The following TNRC6B variants were observed in gnomAD, a reference collection of about 807,000 sequenced individuals.
The protein encoded by TNRC6B is trinucleotide repeat containing adaptor 6B, also known as trinucleotide repeat-containing gene 6B protein.
A neutral mutation model predicts 203.6 loss-of-function variants in TNRC6B; 52 were observed. That is an observed-to-expected ratio of 0.26 (90% CI 0.20 to 0.32). The LOEUF (loss-of-function observed/expected upper bound fraction) is 0.32. Ranked by LOEUF, TNRC6B falls within the 10% of genes least tolerant of loss-of-function variation. The pLI is 1.00. For missense variants in TNRC6B, 1,923 were observed against 2,286.2 expected (o/e 0.84, Z 3.24); for synonymous variants, 838 against 845.7 (o/e 0.99, Z 0.16).
In TNRC6B at chr22:40,062,911, C is replaced by G. The variant is rs547860858; in HGVS notation, c.-121+17913C>G. The stretch of plus-strand genomic sequence containing the variant: ...TTCTCCTAATCTGCAGGTTGATGCA[C>G]TAAACTTTTAATTTTGATAAAGTTC... On this transcript the variant is annotated intron_variant, in intron 1 of 23. Transcript: ENST00000301923. Among the ~76,000 whole-genome samples the G allele has an allele frequency of 7.2e-5, 11 of 152,036 alleles. No homozygotes were observed. In the East Asian group the frequency reaches 1.9e-3, roughly 27 times the overall value.
intron 13 of TNRC6B, 86 bp from the exon 14 acceptor site, chr22:40,300,824 T>C: frequency 7.4e-7 from 1 of 1,343,682 alleles, no homozygotes; most frequent in African/African-American, 1.5e-5. Context: ...GTGTGACCTG[T>C]ACTTCAGTGC....
chr22:40,306,728 G>T (rs1430206915), intron 15 of TNRC6B, among the ~76,000 whole-genome samples: 1 of 152,210 alleles, frequency 6.6e-6, no homozygotes, highest in Non-Finnish European at 1.5e-5. Context: ...GCTCATGCCT[G>T]TAATCCCAGC....
intron 3 of TNRC6B, among the ~76,000 whole-genome samples, chr22:40,153,142 A>AT (rs2068775040): frequency 6.6e-6 from 1 of 152,186 alleles, no homozygotes; most frequent in Non-Finnish European, 1.5e-5. Flanking sequence ...TGTGTCAGTT[A>AT]TATGTGTGGA....
intron 2 of TNRC6B, among the ~76,000 whole-genome samples, chr22:40,124,177 G>A (rs73412609): frequency 0.057 from 8,690 of 152,118 alleles, 797 homozygotes; most frequent in African/African-American, 0.19. Context: ...AGTAGATGAG[G>A]CAACAGCTTC....
chr22:40,187,838 A>G (rs1028220446), intron 1 of TNRC6B, among the ~76,000 whole-genome samples: 7 of 152,374 alleles, frequency 4.6e-5, no homozygotes, highest in Admixed American at 3.3e-4. Flanking sequence ...AGCAGGTTCA[A>G]AGATTTTCAT....
At chr22:40,295,098 G>A (rs943817721) in intron 12 of TNRC6B, among the ~76,000 whole-genome samples, 6 of 152,314 alleles carry the variant, frequency 3.9e-5, no homozygotes, top group Admixed American at 2.0e-4. Flanking sequence ...GAGTGAAAGT[G>A]ACAGATCTTG....
chr22:40,301,531 A>C, intron 15 of TNRC6B, 198 bp downstream of exon 15: 2 of 597,184 alleles, frequency 3.3e-6, no homozygotes, highest in Non-Finnish European at 5.7e-6. Flanking sequence ...ATGGTTACTA[A>C]ATAGCAGAGC....
chr22:40,232,166 G>A (rs1043552188), intron 1 of TNRC6B, among the ~76,000 whole-genome samples: 26 of 152,226 alleles, frequency 1.7e-4, no homozygotes, highest in African/African-American at 5.8e-4. Context: ...CTGTAACTCA[G>A]TAAGATGTGA....
intron 3 of TNRC6B, among the ~76,000 whole-genome samples, chr22:40,149,854 A>G (rs2068732758): frequency 6.6e-6 from 1 of 152,068 alleles, no homozygotes; most frequent in Non-Finnish European, 1.5e-5. Flanking sequence ...GCTGAAGTAC[A>G]GTGGTGCCAT....
At chr22:40,142,224 AAT>A (rs1491450813) in intron 3 of TNRC6B, among the ~76,000 whole-genome samples, 19 of 113,268 alleles carry the variant, frequency 1.7e-4, no homozygotes, top group African/African-American at 5.7e-4. Context: ...ACGCCTAGCT[AAT>A]TTTTTTTTTT....
chr22:40,226,741 C>G (rs1247739025), intron 1 of TNRC6B, among the ~76,000 whole-genome samples: 7 of 152,134 alleles, frequency 4.6e-5, no homozygotes, highest in African/African-American at 1.4e-4. Flanking sequence ...TTTTAAAGAT[C>G]TTCATGCACA....
intron 1 of TNRC6B, among the ~76,000 whole-genome samples, chr22:40,229,392 A>G (rs564910961): frequency 1.3e-5 from 2 of 152,106 alleles, no homozygotes; most frequent in East Asian, 3.9e-4. Context: ...GGGCTGTGTC[A>G]TTCAGGGTTC....
intron 1 of TNRC6B, among the ~76,000 whole-genome samples, chr22:40,081,204 C>T (rs1390063601): frequency 1.3e-5 from 2 of 152,066 alleles, no homozygotes; most frequent in Non-Finnish European, 2.9e-5. Context: ...GTCTCATAGC[C>T]TAAGCCCTAG....
intron 1 of TNRC6B, among the ~76,000 whole-genome samples, chr22:40,057,228 G>C (rs1474726723): frequency 6.7e-6 from 1 of 149,966 alleles, no homozygotes; most frequent in Non-Finnish European, 1.5e-5. Flanking sequence ...GAATAGTACA[G>C]TTACATTGAA....
At chr22:40,214,482 T>G (rs1305951905) in intron 1 of TNRC6B, among the ~76,000 whole-genome samples, 1 of 152,078 alleles carries the variant, frequency 6.6e-6, no homozygotes, top group East Asian at 1.9e-4. Context: ...ATATTACCAT[T>G]AGGGGAAACT....
intron 1 of TNRC6B, among the ~76,000 whole-genome samples, chr22:40,194,212 T>C (rs1040020517): frequency 2.6e-5 from 4 of 152,174 alleles, no homozygotes; most frequent in Admixed American, 6.5e-5. Flanking sequence ...GGAATTTACA[T>C]CTTGGAAGGG....
At chr22:40,315,809 G>A in intron 20 of TNRC6B, 133 bp from the exon 21 acceptor site, 1 of 738,828 alleles carries the variant, frequency 1.4e-6, no homozygotes, top group Non-Finnish European at 2.2e-6. Flanking sequence ...GAAAAAGAAG[G>A]TCAGAGTCCA....
chr22:40,322,461 CAG>C (rs2146581388), intron 22 of TNRC6B, among the ~76,000 whole-genome samples: 1 of 152,296 alleles, frequency 6.6e-6, no homozygotes, highest in Admixed American at 6.5e-5. Flanking sequence ...ATTACAGTAT[CAG>C]AGTCCTCTGC....
rs557279562 is a variant in TNRC6B, at chr22:40,265,453, A to T, written c.1223A>T (p.Asp408Val). 8 of 1,614,014 alleles carry T rather than the reference A, an allele frequency of 5.0e-6. No homozygotes were observed. In the African/African-American group the frequency reaches 9.3e-5, roughly 19 times the overall value. The change falls in exon 5 of 23, where the codon GAT becomes GTT. Residue 408 changes from aspartate (D) to valine (V), a missense_variant. Transcript: ENST00000454349. Reference protein sequence around the residue: ...MGLGNTSRSTDAPSQSTGDRK... With the variant: ...MGLGNTSRSTVAPSQSTGDRK... Reference sequence around the variant, plus strand: ...TTGGGGAACACCTCCAGGAGCACTGATGCCCCTTCACAAAGCACTGGAGAT... The same window carrying T: ...TTGGGGAACACCTCCAGGAGCACTGTTGCCCCTTCACAAAGCACTGGAGAT...
Sources: gnomAD v4.1 joint callset for allele counts (sites outside exome capture counted in the v4.1 genomes callset) on GRCh38, gnomAD v4.1.1 for gene constraint, MANE v1.5 for transcripts, NCBI Gene and HGNC (gene_info 2026-07-23, HGNC 2026-07-21) for gene names.